Variants in SLC25A48 observed in about 807,000 individuals in gnomAD.
The protein encoded by SLC25A48 is CTC-321K16.1.
A neutral mutation model predicts 32.2 loss-of-function variants in SLC25A48; 29 were observed. The ratio of observed to expected loss-of-function variants is 0.90; its 90% CI spans 0.67 to 1.23. The LOEUF (loss-of-function observed/expected upper bound fraction) is 1.23, where lower values mean the gene tolerates loss of function less well. Among genes scored for constraint, SLC25A48 ranks in the 50% most tolerant of loss-of-function variants. The pLI is 0.00. For missense variants in SLC25A48, 399 were observed against 422.7 expected, an observed-to-expected ratio of 0.94 and a Z score of 0.49; for synonymous variants, 164 against 172.3, an observed-to-expected ratio of 0.95 and a Z score of 0.38.
chr5:135,613,795 T>C (rs1752127208), intron 1 of SLC25A48, among the ~76,000 whole-genome samples: 1 of 152,226 alleles, frequency 6.6e-6, no homozygotes, highest in African/African-American at 2.4e-5. Context: ...GTTCCATTGG[T>C]CTATGTGTCT....
chr5:135,791,910 A>T (rs1315482731), intron 3 of SLC25A48, among the ~76,000 whole-genome samples: 1 of 151,798 alleles, frequency 6.6e-6, no homozygotes, highest in Non-Finnish European at 1.5e-5. Flanking sequence ...GTGATAATAT[A>T]TGTAATATCC....
intron 3 of SLC25A48, among the ~76,000 whole-genome samples, chr5:135,788,899 C>T (rs1409008158): frequency 2.0e-5 from 3 of 150,032 alleles, no homozygotes; most frequent in Non-Finnish European, 3.0e-5. Flanking sequence ...GGGGTGTACA[C>T]CCCCACGCCA....
chr5:135,834,293 A>G (rs1012218071), upstream of SLC25A48, among the ~76,000 whole-genome samples: 4 of 152,220 alleles, frequency 2.6e-5, no homozygotes, highest in East Asian at 7.7e-4. Flanking sequence ...CTGAACCACC[A>G]GGTGCCTGCT....
intron 4 of SLC25A48, among the ~76,000 whole-genome samples, chr5:135,865,761 G>GGCTGT (rs1761148831): frequency 6.6e-6 from 1 of 152,176 alleles, no homozygotes; most frequent in Non-Finnish European, 1.5e-5. Context: ...CTCAGGCATG[G>GGCTGT]GCTGTGGGGA....
At chr5:135,820,379 A>C (rs1757853177) in intron 4 of SLC25A48, among the ~76,000 whole-genome samples, 1 of 152,196 alleles carries the variant, frequency 6.6e-6, no homozygotes, top group Non-Finnish European at 1.5e-5. Context: ...AAAGCACATC[A>C]GTGGTTGCTT....
intron 4 of SLC25A48, among the ~76,000 whole-genome samples, chr5:135,862,081 AGGT>A (rs1326236294): frequency 6.6e-6 from 1 of 152,082 alleles, no homozygotes. Flanking sequence ...GAGCCTAACT[AGGT>A]GGCCTGTTGG....
chr5:135,639,149 A>C (rs770762808), intron 3 of SLC25A48, among the ~76,000 whole-genome samples: 16 of 152,206 alleles, frequency 1.1e-4, no homozygotes, highest in Non-Finnish European at 1.6e-4. Context: ...AAGTGCATTC[A>C]ATATGTTCTT....
At chr5:135,881,057 G>T (rs945542481) in intron 7 of SLC25A48, among the ~76,000 whole-genome samples, 1 of 151,800 alleles carries the variant, frequency 6.6e-6, no homozygotes, top group Non-Finnish European at 1.5e-5. Flanking sequence ...AGCACACAAA[G>T]GGCCACTCAG....
At chr5:135,789,879 C>CA (rs1435698526) in intron 3 of SLC25A48, among the ~76,000 whole-genome samples, 1 of 151,954 alleles carries the variant, frequency 6.6e-6, no homozygotes, top group Admixed American at 6.6e-5. Flanking sequence ...ACAGGGTGTA[C>CA]ACCTCTTGAG....
intron 2 of SLC25A48, among the ~76,000 whole-genome samples, chr5:135,630,588 C>CTTTTTTTTTTTTT (rs869088370): frequency 3.4e-5 from 2 of 58,952 alleles, no homozygotes; most frequent in Admixed American, 2.8e-4. Context: ...GGCTGGGCAC[C>CTTTTTTTTTTTTT]TTTTTTTTTT....
At chr5:135,700,103 C>T (rs1262240095) in intron 3 of SLC25A48, among the ~76,000 whole-genome samples, 1 of 152,084 alleles carries the variant, frequency 6.6e-6, no homozygotes, top group African/African-American at 2.4e-5. Context: ...TGGTATTGGG[C>T]TGAGCACTGT....
intron 3 of SLC25A48, chr5:135,650,570 C>CAAT (rs1048688391): frequency 2.9e-6 from 1 of 349,988 alleles, no homozygotes; most frequent in African/African-American, 2.2e-5. Context: ...AAAAAAAAAA[C>CAAT]AACAACAGAA....
intron 1 of SLC25A48, among the ~76,000 whole-genome samples, chr5:135,580,502 C>G (rs1182773899): frequency 6.6e-6 from 1 of 152,152 alleles, no homozygotes; most frequent in Non-Finnish European, 1.5e-5. Context: ...GTCGTCTCTT[C>G]CCAACTGGAG....
chr5:135,804,824 G>A (rs912858892), intron 3 of SLC25A48, among the ~76,000 whole-genome samples: 19 of 151,668 alleles, frequency 1.3e-4, no homozygotes, highest in South Asian at 8.3e-4. Context: ...CACAGTGGGT[G>A]TACACCCTGA....
intron 3 of SLC25A48, among the ~76,000 whole-genome samples, chr5:135,723,867 G>C (rs967746688): frequency 5.9e-5 from 9 of 152,184 alleles, no homozygotes; most frequent in African/African-American, 2.2e-4. Context: ...GCCCACATTA[G>C]CTGAGAAACA....
intron 3 of SLC25A48, among the ~76,000 whole-genome samples, chr5:135,805,472 TTATTCGTA>T (rs1467162543): frequency 1.3e-5 from 2 of 151,206 alleles, no homozygotes; most frequent in Non-Finnish European, 3.0e-5. Context: ...CCCTGGAAAA[TTATTCGTA>T]ACAACCCAAG....
At chr5:135,745,306 CG>C (rs1270316796) in intron 3 of SLC25A48, among the ~76,000 whole-genome samples, 6 of 152,200 alleles carry the variant, frequency 3.9e-5, no homozygotes, top group African/African-American at 1.4e-4. Flanking sequence ...AGGCACAGAT[CG>C]CTCATGCTAT....
At chr5:135,686,654 A>G (rs1391929338) in intron 3 of SLC25A48, among the ~76,000 whole-genome samples, 1 of 152,164 alleles carries the variant, frequency 6.6e-6, no homozygotes. Flanking sequence ...CCAGAACCTC[A>G]TATTTAGCAG....
chr5:135,637,325 T>A (rs907432147), intron 3 of SLC25A48, among the ~76,000 whole-genome samples: 6 of 152,182 alleles, frequency 3.9e-5, no homozygotes, highest in Non-Finnish European at 7.3e-5. Flanking sequence ...TTAAATCAAC[T>A]AATTAATTAA....
Sources: gnomAD v4.1 joint callset for allele counts (sites outside exome capture counted in the v4.1 genomes callset) on GRCh38, gnomAD v4.1.1 for gene constraint, MANE v1.5 for transcripts, NCBI Gene and HGNC (gene_info 2026-07-23, HGNC 2026-07-21) for gene names.